Variants in TTC39C observed in about 807,000 individuals in gnomAD.
TTC39C encodes the protein tetratricopeptide repeat domain 39C.
A neutral mutation model predicts 76.3 loss-of-function variants in TTC39C; 33 were observed. The ratio of observed to expected loss-of-function variants is 0.43; its 90% CI spans 0.33 to 0.58. The LOEUF is 0.58. TTC39C is among the 20% of genes least tolerant of loss of function. TTC39C has a pLI of 0.04. For missense variants in TTC39C, 595 were observed against 701.4 expected, an observed-to-expected ratio of 0.85 and a Z score of 1.71; for synonymous variants, 254 against 260.6, an observed-to-expected ratio of 0.97 and a Z score of 0.24.
chr18:24,041,673 C>T (rs73967655), intron 1 of TTC39C, among the ~76,000 whole-genome samples: 3,825 of 152,230 alleles, frequency 0.025, 100 homozygotes, highest in African/African-American at 0.071. Flanking sequence ...AATTGGGCCT[C>T]TTAATACTTT....
chr18:24,095,718 A>C (rs72879878), intron 6 of TTC39C, among the ~76,000 whole-genome samples: 19,534 of 152,128 alleles, frequency 0.13, 1,431 homozygotes, highest in Middle Eastern at 0.26. Context: ...AACAAACAAA[A>C]AAAAACTTTT....
Position 24,095,643 on chromosome 18 carries a change from G to T in TTC39C, c.984+12562G>T, listed in dbSNP as rs185837737. ...GAACCTGGGAGGCAGAGGTTGCAGT[G>T]AGCCGAGATTGCATCATTGCACTCC... On this transcript the variant is annotated intron_variant, in intron 6 of 13. Transcript: ENST00000317571. Among the ~76,000 whole-genome samples the T allele has an allele frequency of 4.2e-3, 641 of 152,296 alleles. 4 individuals are homozygous for T. The highest frequency in any genetic ancestry group is 0.015 in the African/African-American group (625 of 41,548).
chr18:24,053,975 C>T (rs2083984311), intron 1 of TTC39C, among the ~76,000 whole-genome samples: 1 of 152,124 alleles, frequency 6.6e-6, no homozygotes, highest in Non-Finnish European at 1.5e-5. Flanking sequence ...AGAGAATGAG[C>T]AAAAGTGGCC....
chr18:24,062,722 A>G (rs2046603), intron 1 of TTC39C, among the ~76,000 whole-genome samples: 149,370 of 152,318 alleles, frequency 0.98, 73,314 homozygotes, highest in Middle Eastern at 1. Context: ...GAAAATGGCA[A>G]CAGAAGGTTA....
At chr18:24,040,744 G>C (rs1416110090) in intron 1 of TTC39C, among the ~76,000 whole-genome samples, 1 of 152,118 alleles carries the variant, frequency 6.6e-6, no homozygotes, top group African/African-American at 2.4e-5. Flanking sequence ...CTCTCTCTCT[G>C]ACATTAGTTA....
intron 6 of TTC39C, among the ~76,000 whole-genome samples, chr18:24,094,490 G>A (rs1276411141): frequency 6.6e-6 from 1 of 152,154 alleles, no homozygotes; most frequent in African/African-American, 2.4e-5. Context: ...TCCATCAGAG[G>A]AAGCCATGTC....
At chr18:24,064,412 C>A (rs1220166183) in intron 2 of TTC39C, among the ~76,000 whole-genome samples, 1 of 151,982 alleles carries the variant, frequency 6.6e-6, no homozygotes, top group Non-Finnish European at 1.5e-5. Flanking sequence ...TATATTTTAA[C>A]CAAAGTCCTT....
chr18:24,047,239 G>A (rs986544003), intron 1 of TTC39C, among the ~76,000 whole-genome samples: 2 of 151,488 alleles, frequency 1.3e-5, no homozygotes, highest in East Asian at 3.9e-4. Context: ...GATTATAGGT[G>A]CCTGCCACCA....
At chr18:24,034,378 A>C (rs1312911558) in intron 1 of TTC39C, among the ~76,000 whole-genome samples, 1 of 152,256 alleles carries the variant, frequency 6.6e-6, no homozygotes, top group Non-Finnish European at 1.5e-5. Context: ...TCAATGTTTT[A>C]AATAAGAGTT....
chr18:24,042,071 C>A (rs559741808), intron 1 of TTC39C, among the ~76,000 whole-genome samples: 1 of 152,170 alleles, frequency 6.6e-6, no homozygotes, highest in South Asian at 2.1e-4. Context: ...ATTTTTCACC[C>A]GATTTTTAAG....
In TTC39C at chr18:24,008,371, G is replaced by A. The variant is rs12966496; in HGVS notation, c.-17+15333G>A. Among the ~76,000 whole-genome samples, 71 of 152,190 alleles carry A rather than the reference G, an allele frequency of 4.7e-4. No individual in the cohort carries two copies. The Middle Eastern group carries it at 0.017, about 36-fold the overall frequency. On this transcript the variant is annotated intron_variant, in intron 1 of 13. Transcript: ENST00000304621. Reference sequence around the variant, plus strand: ...AAGGTATCTCCTTCTTCCTCCTGCAGTCAGGGGAGAAGCCTACTGATTGGA... The same window carrying A: ...AAGGTATCTCCTTCTTCCTCCTGCAATCAGGGGAGAAGCCTACTGATTGGA...
chr18:24,022,441 A>G (rs564781331), intron 1 of TTC39C: 2 of 386,246 alleles, frequency 5.2e-6, no homozygotes, highest in Non-Finnish European at 7.1e-6. Flanking sequence ...AAGTGGCCCA[A>G]CTCGGGTCTC....
At chr18:24,027,082 A>T (rs1234690306) in intron 1 of TTC39C, among the ~76,000 whole-genome samples, 1 of 152,168 alleles carries the variant, frequency 6.6e-6, no homozygotes, top group Non-Finnish European at 1.5e-5. Flanking sequence ...ACTTGAGGTC[A>T]GGAGTTCGAG....
chr18:24,114,733 A>G (rs777436925), intron 7 of TTC39C, 86 bp downstream of exon 7: 270 of 1,031,368 alleles, frequency 2.6e-4, no homozygotes, highest in Non-Finnish European at 9.6e-5. Flanking sequence ...GTGTGTGTCT[A>G]CAAAATGCTT....
chr18:24,114,731 C>A, intron 7 of TTC39C, 84 bp downstream of exon 7: 1 of 1,028,464 alleles, frequency 9.7e-7, no homozygotes, highest in Non-Finnish European at 1.5e-6. Flanking sequence ...CAGTGTGTGT[C>A]TACAAAATGC....
intron 1 of TTC39C, among the ~76,000 whole-genome samples, chr18:24,007,734 C>A (rs2083365352): frequency 6.6e-6 from 1 of 152,158 alleles, no homozygotes; most frequent in Admixed American, 6.5e-5. Context: ...CTTCCTCATG[C>A]TGCATTAACA....
chr18:23,996,347 G>A (rs1186872185), intron 1 of TTC39C, among the ~76,000 whole-genome samples: 9 of 152,322 alleles, frequency 5.9e-5, no homozygotes, highest in East Asian at 3.9e-4. Flanking sequence ...GAAGCACTGC[G>A]TCATTATAAC....
chr18:24,017,311 G>A (rs780145184), intron 1 of TTC39C, among the ~76,000 whole-genome samples: 4 of 152,198 alleles, frequency 2.6e-5, no homozygotes, highest in Non-Finnish European at 4.4e-5. Context: ...TGCAACCTGG[G>A]TTCCAGTCTT....
intron 4 of TTC39C, among the ~76,000 whole-genome samples, chr18:24,074,789 T>C (rs1236734570): frequency 6.6e-6 from 1 of 152,150 alleles, no homozygotes; most frequent in Non-Finnish European, 1.5e-5. Flanking sequence ...GACCTAGCCA[T>C]CTCATTACTG....
Sources: gnomAD v4.1 joint callset for allele counts (sites outside exome capture counted in the v4.1 genomes callset) on GRCh38, gnomAD v4.1.1 for gene constraint, MANE v1.5 for transcripts, NCBI Gene and HGNC (gene_info 2026-07-23, HGNC 2026-07-21) for gene names.